The following ZNF365 variants were observed in gnomAD, a reference collection of about 807,000 sequenced individuals.
ZNF365 encodes protein ZNF365.
Under a neutral mutation model 35.0 loss-of-function variants are expected in ZNF365, and 22 were observed. That is an observed-to-expected ratio of 0.63 (90% CI 0.45 to 0.90). ZNF365 has a LOEUF of 0.90. Ranked by LOEUF, ZNF365 falls within the 40% of genes least tolerant of loss-of-function variation. The probability of loss-of-function intolerance (pLI) is 0.00; values close to 1 mark genes in which losing one functional copy is unlikely to be tolerated. For missense variants in ZNF365, 448 were observed against 500.3 expected (o/e 0.90, Z 1.00); for synonymous variants, 188 against 196.2 (o/e 0.96, Z 0.35).
intron 3 of ZNF365, among the ~76,000 whole-genome samples, chr10:62,395,707 G>C (rs986666986): frequency 1.3e-5 from 2 of 151,982 alleles, no homozygotes; most frequent in Middle Eastern, 3.4e-3. Flanking sequence ...GAGTGCTCCA[G>C]GGTCATGCTC....
At chr10:62,399,389 T>A in intron 4 of ZNF365, 139 bp from the exon 5 acceptor site, 1 of 1,275,064 alleles carries the variant, frequency 7.8e-7, no homozygotes, top group Non-Finnish European at 1.1e-6. Context: ...ACTCATATTA[T>A]GATTTGCCTT....
At chr10:62,449,810 G>T (rs1840649069) in intron 3 of ZNF365, among the ~76,000 whole-genome samples, 1 of 141,176 alleles carries the variant, frequency 7.1e-6, no homozygotes, top group Non-Finnish European at 1.5e-5. Context: ...TCTTAGCCTG[G>T]TTCATTTTTT....
intron 4 of ZNF365, among the ~76,000 whole-genome samples, chr10:62,470,180 A>C (rs988416161): frequency 6.6e-6 from 1 of 152,214 alleles, no homozygotes; most frequent in Non-Finnish European, 1.5e-5. Context: ...AGGAAACATC[A>C]GTAAGGTAAT....
intron 4 of ZNF365, among the ~76,000 whole-genome samples, chr10:62,470,621 T>C (rs1182264007): frequency 6.6e-6 from 1 of 152,254 alleles, no homozygotes; most frequent in Non-Finnish European, 1.5e-5. Context: ...AGAAAGGTTG[T>C]TAGCAGTTTA....
At position 62,376,132 on chromosome 10, in the gene ZNF365, T is replaced by C. The variant is rs771457256; in HGVS notation, c.-13-49T>C. On this transcript the variant is annotated intron_variant, in intron 1 of 4. Coordinates refer to ENST00000395254, the MANE Select transcript of ZNF365 (RefSeq NM_014951.3). ...TGGAGATGAGCAGCAATCATTTTAG[T>C]AGTGTGTTTTTCAGCCGACTTGTAA... 1.9e-6 allele frequency: 3 copies of C among 1,573,620 alleles called. No individual in the cohort carries two copies. In the African/African-American group the frequency reaches 4.1e-5, roughly 21 times the overall value.
At chr10:62,471,533 T>C (rs894112969) in intron 4 of ZNF365, among the ~76,000 whole-genome samples, 1 of 152,244 alleles carries the variant, frequency 6.6e-6, no homozygotes, top group Non-Finnish European at 1.5e-5. Flanking sequence ...ATACTTGGAA[T>C]AGCGAAAGGC....
intron 4 of ZNF365, among the ~76,000 whole-genome samples, chr10:62,476,100 G>C (rs778554669): frequency 4.6e-5 from 7 of 151,728 alleles, no homozygotes; most frequent in Non-Finnish European, 7.4e-5. Flanking sequence ...TTTTTGTGGG[G>C]AGGGGTAGGG....
intron 3 of ZNF365, among the ~76,000 whole-genome samples, chr10:62,419,884 A>G (rs894384254): frequency 3.9e-5 from 6 of 152,128 alleles, no homozygotes; most frequent in Non-Finnish European, 7.4e-5. Context: ...TTTATCATTG[A>G]GTATGATCAT....
At chr10:62,390,391 G>C (rs1839607272) in intron 3 of ZNF365, among the ~76,000 whole-genome samples, 1 of 152,302 alleles carries the variant, frequency 6.6e-6, no homozygotes, top group African/African-American at 2.4e-5. Context: ...ATCTCAAAGA[G>C]AGAAAACAAT....
chr10:62,393,540 A>G (rs1195960859), intron 3 of ZNF365, among the ~76,000 whole-genome samples: 1 of 152,210 alleles, frequency 6.6e-6, no homozygotes, highest in East Asian at 1.9e-4. Context: ...TGACTGAAAC[A>G]TTGTTTTTTA....
intron 4 of ZNF365, among the ~76,000 whole-genome samples, chr10:62,471,980 C>G (rs7072167): frequency 0.45 from 67,750 of 152,042 alleles, 15,492 homozygotes; most frequent in African/African-American, 0.54. Flanking sequence ...TGGAAATTGC[C>G]TGTAAGTGTT....
Position 62,388,400 on chromosome 10 carries a change from G to A in ZNF365, c.748G>A (p.Val250Ile), listed in dbSNP as rs771875693. Reference protein sequence around the residue: ...EEELLRKEEEVVTFNHFLEAA... With the variant: ...EEELLRKEEEIVTFNHFLEAA... ...TCTGACATTTTTGCCTTGCAGAGAA[G>A]TTGTCACATTCAACCATTTCCTGGA... Residue 250 changes from valine to isoleucine, a missense_variant, in exon 3 of 5, where the codon GTT (valine) becomes ATT (isoleucine). This residue lies in a region of ZNF365 where 362 missense variants were observed against 375.7 expected (regional missense o/e 0.96). Transcript: ENST00000395254. The A allele has an allele frequency of 6.2e-7, 1 of 1,614,194 alleles. No individual in the cohort carries two copies. The highest frequency in any genetic ancestry group is 1.1e-5 in the South Asian group (1 of 91,080).
intron 3 of ZNF365, among the ~76,000 whole-genome samples, chr10:62,395,504 ATTTTTTTTT>A (rs67866839): frequency 0.014 from 1,376 of 98,510 alleles, 22 homozygotes; most frequent in African/African-American, 0.039. Context: ...CACCCGGCTA[ATTTTTTTTT>A]TTTTTTTTTT....
chr10:62,383,892 G>A (rs1185953696), intron 2 of ZNF365, among the ~76,000 whole-genome samples: 1 of 152,052 alleles, frequency 6.6e-6, no homozygotes, highest in East Asian at 1.9e-4. Context: ...CTCTGGAAAG[G>A]GCTTTTTCCC....
At chr10:62,459,675 G>A in intron 3 of ZNF365, 1 of 1,514,412 alleles carries the variant, frequency 6.6e-7, no homozygotes, top group Non-Finnish European at 9.0e-7. Flanking sequence ...TTGTAGTCTT[G>A]CTGTGACTTA....
chr10:62,418,910 A>C (rs1840122364), intron 3 of ZNF365, among the ~76,000 whole-genome samples: 1 of 135,076 alleles, frequency 7.4e-6, no homozygotes, highest in South Asian at 2.5e-4. Flanking sequence ...GTGATGACTT[A>C]TTCTGAACTC....
intron 2 of ZNF365, among the ~76,000 whole-genome samples, chr10:62,383,672 C>T (rs1386344227): frequency 6.6e-6 from 1 of 152,232 alleles, no homozygotes; most frequent in Non-Finnish European, 1.5e-5. Flanking sequence ...ATTTCCATTA[C>T]TCTCTGCACA....
chr10:62,417,232 A>G (rs1387212802), intron 3 of ZNF365, among the ~76,000 whole-genome samples: 1 of 152,116 alleles, frequency 6.6e-6, no homozygotes, highest in Admixed American at 6.6e-5. Context: ...TTGCTCCTGC[A>G]TCAGCCTAAT....
intron 3 of ZNF365, among the ~76,000 whole-genome samples, chr10:62,454,387 T>G (rs1840729971): frequency 6.6e-6 from 1 of 152,196 alleles, no homozygotes; most frequent in Non-Finnish European, 1.5e-5. Flanking sequence ...CCCATCCCAA[T>G]ATATTCTAAA....
Sources: gnomAD v4.1 joint callset for allele counts (sites outside exome capture counted in the v4.1 genomes callset) on GRCh38, gnomAD v4.1.1 for gene constraint, gnomAD v4.1.1 regional missense constraint, MANE v1.5 for transcripts, NCBI Gene and HGNC (gene_info 2026-07-23, HGNC 2026-07-21) for gene names.